ARMC8: variants seen among roughly 807,000 people sequenced by gnomAD.
ARMC8 encodes the protein armadillo repeat containing 8, also known as armadillo repeat-containing protein 8.
Under a neutral mutation model 99.3 loss-of-function variants are expected in ARMC8, and 20 were observed. The ratio of observed to expected loss-of-function variants is 0.20; its 90% CI spans 0.14 to 0.29. The LOEUF (loss-of-function observed/expected upper bound fraction) is 0.29, where lower values mean the gene tolerates loss of function less well. Ranked by LOEUF, ARMC8 falls within the 10% of genes least tolerant of loss-of-function variation. The pLI is 1.00. For missense variants in ARMC8, 569 were observed against 809.5 expected (o/e 0.70, Z 3.60); for synonymous variants, 263 against 278.3 (o/e 0.95, Z 0.55).
intron 1 of ARMC8, among the ~76,000 whole-genome samples, chr3:138,193,362 G>C (rs1358220710): frequency 6.6e-6 from 1 of 152,128 alleles, no homozygotes; most frequent in Non-Finnish European, 1.5e-5. Flanking sequence ...CCAGGCTCAA[G>C]AGATTCTCGG....
chr3:138,249,850 G>C (rs921514053), intron 12 of ARMC8, among the ~76,000 whole-genome samples: 2 of 152,154 alleles, frequency 1.3e-5, no homozygotes, highest in Non-Finnish European at 2.9e-5. Context: ...TGACCAGTAA[G>C]AATTTGCTGA....
chr3:138,223,711 C>G lies in ARMC8; in HGVS notation c.413C>G (p.Thr138Ser), dbSNP rs1306480768. Residue 138 changes from threonine (T) to serine (S), a missense_variant, in exon 5 of 22, where the codon ACT becomes AGT. Physicochemically the swap from Thr to Ser is moderately conservative, Grantham distance 58. Transcript: ENST00000469044. The stretch of plus-strand genomic sequence containing the variant: ...CGTACCATCTTCACCAGTCCTGTCA[C>G]TCCAGAGGAGCTACTGTATACAGTG... The part of the protein sequence containing the change: ...CLRTIFTSPV[T>S]PEELLYTDAT... 1.2e-6 allele frequency: 2 copies of G among 1,614,096 alleles called. No individual in the cohort carries two copies. The highest frequency in any genetic ancestry group is 2.2e-5 in the South Asian group (2 of 91,084).
At chr3:138,189,400 A>G (rs1393413660) in intron 1 of ARMC8, among the ~76,000 whole-genome samples, 1 of 152,172 alleles carries the variant, frequency 6.6e-6, no homozygotes, top group African/African-American at 2.4e-5. Context: ...AAATGTTTCA[A>G]TTCACTGATT....
chr3:138,280,001 T>A (rs918230412), intron 18 of ARMC8, among the ~76,000 whole-genome samples: 4 of 151,974 alleles, frequency 2.6e-5, no homozygotes, highest in African/African-American at 9.7e-5. Flanking sequence ...CCTCCCGGGT[T>A]CAAACCTTTC....
chr3:138,289,630 C>G (rs2050754378), intron 20 of ARMC8, among the ~76,000 whole-genome samples: 1 of 152,016 alleles, frequency 6.6e-6, no homozygotes. Flanking sequence ...TTAGAATCAC[C>G]TGGGAATTTT....
intron 6 of ARMC8, among the ~76,000 whole-genome samples, chr3:138,229,683 G>A (rs1322130851): frequency 6.6e-6 from 1 of 152,066 alleles, no homozygotes; most frequent in Non-Finnish European, 1.5e-5. Flanking sequence ...GTTGAGTAAA[G>A]TTTCTCTTTC....
intron 12 of ARMC8, among the ~76,000 whole-genome samples, chr3:138,251,604 A>G (rs759337216): frequency 4.6e-5 from 7 of 152,228 alleles, no homozygotes; most frequent in African/African-American, 7.2e-5. Flanking sequence ...TTCATTCACA[A>G]TGGTAAGTAT....
intron 15 of ARMC8, among the ~76,000 whole-genome samples, chr3:138,268,968 G>C (rs2048532857): frequency 6.6e-6 from 1 of 151,956 alleles, no homozygotes; most frequent in Non-Finnish European, 1.5e-5. Context: ...TAATATCCTT[G>C]TTTTTAGGAA....
At chr3:138,191,990 A>G (rs1244311936) in intron 1 of ARMC8, among the ~76,000 whole-genome samples, 2 of 152,194 alleles carry the variant, frequency 1.3e-5, no homozygotes, top group African/African-American at 2.4e-5. Flanking sequence ...ATAACTTTTC[A>G]TATCTCTGAG....
Position 138,187,387 on chromosome 3 carries a change from C to T in ARMC8, c.-168C>T, listed in dbSNP as rs533035530. On this transcript the variant is annotated 5_prime_UTR_variant, in exon 1 of 22. Transcript: ENST00000469044. The stretch of plus-strand genomic sequence containing the variant: ...AGCCCCTGACGCCATTCCCTTTTGC[C>T]CTTCTTTCTGCGGGCCTTTCCGGTA... The T allele has an allele frequency of 1.6e-6, 1 of 627,496 alleles. No homozygotes were observed. The highest frequency in any genetic ancestry group is 1.9e-5 in the African/African-American group (1 of 53,984). 38.9% of individuals were successfully genotyped at this position (627,496 alleles called of 1,614,324 possible).
chr3:138,229,769 T>A (rs1051422486), intron 6 of ARMC8, among the ~76,000 whole-genome samples: 1 of 152,238 alleles, frequency 6.6e-6, no homozygotes, highest in Non-Finnish European at 1.5e-5. Context: ...CATGGGTGAT[T>A]ACTTGAGATC....
At chr3:138,229,284 G>A (rs1035457909) in intron 6 of ARMC8, among the ~76,000 whole-genome samples, 5 of 144,420 alleles carry the variant, frequency 3.5e-5, no homozygotes, top group South Asian at 2.2e-4. Context: ...TTTTTCACTT[G>A]ACATATCTCT....
At chr3:138,222,386 C>T (rs1267183871) in intron 3 of ARMC8, among the ~76,000 whole-genome samples, 1 of 152,014 alleles carries the variant, frequency 6.6e-6, no homozygotes, top group Non-Finnish European at 1.5e-5. Flanking sequence ...GGAAAAAAAC[C>T]CTGCTTGATT....
At chr3:138,245,347 G>A (rs1370934307) in intron 12 of ARMC8, 164 bp downstream of exon 12, 1 of 1,475,608 alleles carries the variant, frequency 6.8e-7, no homozygotes, top group Non-Finnish European at 9.0e-7. Flanking sequence ...GGATTTGGGG[G>A]GTTGTTTGTT....
chr3:138,201,089 T>G (rs1463854799), intron 1 of ARMC8, among the ~76,000 whole-genome samples: 1 of 151,900 alleles, frequency 6.6e-6, no homozygotes, highest in Non-Finnish European at 1.5e-5. Flanking sequence ...ATTTTGTATT[T>G]TTAGTAGAGA....
intron 19 of ARMC8, 93 bp downstream of exon 19, chr3:138,284,619 GAA>G (rs1262120599): frequency 1.1e-6 from 1 of 930,422 alleles, no homozygotes; most frequent in Non-Finnish European, 1.7e-6. Context: ...TTAAAAAGAG[GAA>G]AAGAATAGAT....
chr3:138,226,595 G>C (rs542748409), intron 5 of ARMC8, among the ~76,000 whole-genome samples: 1 of 152,324 alleles, frequency 6.6e-6, no homozygotes, highest in South Asian at 2.1e-4. Context: ...AGAGGGCTTA[G>C]TTAATATCAG....
chr3:138,263,549 T>A (rs1488441810), intron 12 of ARMC8, 190 bp from the exon 13 acceptor site: 2 of 607,496 alleles, frequency 3.3e-6, no homozygotes, highest in Non-Finnish European at 5.9e-6. Flanking sequence ...GCCTGGCAGG[T>A]CCTTAGTGGG....
intron 1 of ARMC8, among the ~76,000 whole-genome samples, chr3:138,198,493 TTTATTATTATTA>T (rs139933871): frequency 0.014 from 2,089 of 146,438 alleles, 44 homozygotes; most frequent in African/African-American, 0.049. Flanking sequence ...TTGTATATTC[TTTATTATTATTA>T]TTATTATTAT....
Sources: gnomAD v4.1 joint callset for allele counts (sites outside exome capture counted in the v4.1 genomes callset) on GRCh38, gnomAD v4.1.1 for gene constraint, MANE v1.5 for transcripts, NCBI Gene and HGNC (gene_info 2026-07-23, HGNC 2026-07-21) for gene names.